Variants in MDGA1 observed in about 807,000 individuals in gnomAD.
MDGA1 encodes MAM domain-containing glycosylphosphatidylinositol anchor protein 1.
MDGA1 carries 54 observed loss-of-function variants against 101.5 expected under a neutral mutation model. That is an observed-to-expected ratio of 0.53 (90% CI 0.43 to 0.67). The LOEUF (loss-of-function observed/expected upper bound fraction) is 0.67, where lower values mean the gene tolerates loss of function less well. MDGA1 is among the 30% of genes least tolerant of loss of function. The probability of loss-of-function intolerance (pLI) is 0.00; values close to 1 mark genes in which losing one functional copy is unlikely to be tolerated. For missense variants in MDGA1, 1,083 were observed against 1,323.8 expected, an observed-to-expected ratio of 0.82 and a Z score of 2.82; for synonymous variants, 533 against 558.3, an observed-to-expected ratio of 0.95 and a Z score of 0.64.
At position 37,637,960 on chromosome 6, in the gene MDGA1, T is replaced by A. The variant is rs1259311037; in HGVS notation, c.2776+245A>T. ...TCAGACACAGGCACAGGAGGCGCTC[T>A]GATACCGTGAACAGGTCAGTATGCT... On this transcript the variant is annotated intron_variant, in intron 16 of 16. Transcript: ENST00000434837. 31 of 575,192 alleles carry A rather than the reference T, an allele frequency of 5.4e-5. 1 individual carries two copies. The East Asian group carries it at 8.4e-4, about 16-fold the overall frequency. 35.6% of individuals were successfully genotyped at this position (575,192 alleles called of 1,614,324 possible).
In MDGA1 at chr6:37,635,940, C is replaced by G. The variant is rs1298017900; in HGVS notation, c.*1428G>C. The G allele has an allele frequency of 2.5e-6, 1 of 394,188 alleles. No homozygotes were observed. Among genetic ancestry groups the G allele is most frequent in the Non-Finnish European group, 4.5e-6 (1 of 223,522 alleles). The allele number at this position is 394,188 out of a possible 1,614,324, so 24.4% of individuals were successfully genotyped here. On this transcript the variant is annotated 3_prime_UTR_variant, in exon 17 of 17. Coordinates refer to ENST00000434837, the MANE Select transcript of MDGA1 (RefSeq NM_153487.4). ...AGAAACGAATGGGTCTCAATCCAGT[C>G]TCACAGGCAGATATGTGAGATTGCA...
intron 5 of MDGA1, 76 bp downstream of exon 5, chr6:37,654,724 T>G (rs967499071): frequency 1.3e-6 from 2 of 1,590,424 alleles, no homozygotes; most frequent in East Asian, 4.5e-5. Context: ...CTGGAGTCCC[T>G]GTGGGGTGGG....
chr6:37,673,033 T>A (rs1373286990), intron 1 of MDGA1, among the ~76,000 whole-genome samples: 3 of 151,536 alleles, frequency 2.0e-5, no homozygotes, highest in Non-Finnish European at 4.4e-5. Context: ...GTGCTTTATA[T>A]CTTTTATCAT....
At chr6:37,692,004 C>A (rs866383016) in intron 1 of MDGA1, among the ~76,000 whole-genome samples, 4 of 152,188 alleles carry the variant, frequency 2.6e-5, no homozygotes, top group African/African-American at 9.7e-5. Flanking sequence ...GCTTTGGCTA[C>A]GGGCAGGTGC....
At chr6:37,668,579 G>A (rs1241498603) in intron 1 of MDGA1, among the ~76,000 whole-genome samples, 1 of 152,170 alleles carries the variant, frequency 6.6e-6, no homozygotes, top group Non-Finnish European at 1.5e-5. Context: ...CCCGTTAAGT[G>A]AAAAAGGTGA....
chr6:37,659,193 C>G (rs1761566079), intron 2 of MDGA1, among the ~76,000 whole-genome samples: 1 of 152,184 alleles, frequency 6.6e-6, no homozygotes, highest in Non-Finnish European at 1.5e-5. Context: ...TTGTGAGAAA[C>G]CCTGAGCCAC....
intron 1 of MDGA1, among the ~76,000 whole-genome samples, chr6:37,666,370 AAAAAG>A (rs1761753691): frequency 2.0e-5 from 3 of 151,756 alleles, no homozygotes; most frequent in Admixed American, 6.6e-5. Flanking sequence ...AAAAAAAAAA[AAAAAG>A]AAAAGAAAAA....
At chr6:37,679,778 C>A (rs1464247666) in intron 1 of MDGA1, among the ~76,000 whole-genome samples, 1 of 152,158 alleles carries the variant, frequency 6.6e-6, no homozygotes, top group East Asian at 1.9e-4. Context: ...TCCCCTTTAC[C>A]ACAGCCCTCT....
rs1273781850 is a variant in MDGA1, at chr6:37,652,639, T to G, written c.983-299A>C. Among the ~76,000 whole-genome samples, 1 of 152,210 alleles carries G rather than the reference T, an allele frequency of 6.6e-6. No individual in the cohort carries two copies. Among genetic ancestry groups the G allele is most frequent in the Non-Finnish European group, 1.5e-5 (1 of 68,038 alleles). Reference sequence around the variant, plus strand: ...AACATGGATTTACTAGTTTAACCCATCCCAGAATCTCTGAAGGAGATGCTT... The same window carrying G: ...AACATGGATTTACTAGTTTAACCCAGCCCAGAATCTCTGAAGGAGATGCTT... On this transcript the variant is annotated intron_variant, in intron 6 of 16. Transcript: ENST00000434837. The surrounding 1 kb of genome is among the most constrained non-coding windows in gnomAD (Gnocchi z 4.3).
chr6:37,671,841 C>G (rs984634701), intron 1 of MDGA1, among the ~76,000 whole-genome samples: 6 of 152,184 alleles, frequency 3.9e-5, no homozygotes, highest in Non-Finnish European at 7.4e-5. Context: ...AGACAGACAG[C>G]AAGACAAATG....
At chr6:37,659,279 A>C (rs1411448213) in intron 2 of MDGA1, among the ~76,000 whole-genome samples, 1 of 152,188 alleles carries the variant, frequency 6.6e-6, no homozygotes, top group Non-Finnish European at 1.5e-5. Context: ...GAAGCCCCTA[A>C]GTTTTGGAGT....
At chr6:37,640,105 A>G (rs1426094521) in intron 14 of MDGA1, among the ~76,000 whole-genome samples, 4 of 152,164 alleles carry the variant, frequency 2.6e-5, no homozygotes, top group Non-Finnish European at 5.9e-5. Context: ...CTCAGAGTTC[A>G]CCGGAAGGAT....
At chr6:37,668,812 G>A (rs1415573327) in intron 1 of MDGA1, among the ~76,000 whole-genome samples, 1 of 152,134 alleles carries the variant, frequency 6.6e-6, no homozygotes, top group East Asian at 1.9e-4. Flanking sequence ...GCTGGGAAGG[G>A]CACAAGAGAA....
intron 1 of MDGA1, among the ~76,000 whole-genome samples, chr6:37,671,124 C>T (rs1311777310): frequency 6.6e-6 from 1 of 152,226 alleles, no homozygotes; most frequent in African/African-American, 2.4e-5. Context: ...GGAAAACAGC[C>T]TCTGCCAACC....
chr6:37,642,564 A>G (rs952268066), intron 14 of MDGA1, among the ~76,000 whole-genome samples: 2 of 152,164 alleles, frequency 1.3e-5, no homozygotes, highest in African/African-American at 4.8e-5. Context: ...CTGGGATGGG[A>G]GGGCGTCTGC....
intron 1 of MDGA1, among the ~76,000 whole-genome samples, chr6:37,675,831 C>G (rs954529331): frequency 8.5e-5 from 13 of 152,234 alleles, no homozygotes; most frequent in African/African-American, 3.1e-4. Context: ...GACCCCATCA[C>G]TGTGGTTCAC....
In MDGA1 at chr6:37,696,549, CA is replaced by C. The variant is rs1395208021; in HGVS notation, c.67+195del. Among the ~76,000 whole-genome samples, 1 of 152,212 alleles carries C rather than the reference CA, an allele frequency of 6.6e-6. No homozygotes were observed. Among genetic ancestry groups the C allele is most frequent in the Non-Finnish European group, 1.5e-5 (1 of 68,026 alleles). On this transcript the variant is annotated intron_variant, in intron 1 of 16. Coordinates refer to ENST00000434837, the MANE Select transcript of MDGA1 (RefSeq NM_153487.4). This position sits in a 1 kb window ranked among gnomAD's most constrained non-coding sequence, Gnocchi z 5.6. ...TCCTCCTGACATCCCGGCTTCCCAC[CA>C]GACCCTACGACCGGCCCCTGTGTTC...
chr6:37,637,122 T>G lies in MDGA1; in HGVS notation c.*246A>C. The stretch of plus-strand genomic sequence containing the variant: ...GGCAGGTCAGATAGAAACTTGTGCT[T>G]TAATATATCTCTGTGTGTGTGAGCA... On this transcript the variant is annotated 3_prime_UTR_variant, in exon 17 of 17. Coordinates refer to ENST00000434837, the MANE Select transcript of MDGA1 (RefSeq NM_153487.4). 1.2e-5 allele frequency: 5 copies of G among 408,404 alleles called. No individual in the cohort carries two copies. Among genetic ancestry groups the G allele is most frequent in the East Asian group, 4.0e-5 (1 of 24,946 alleles). 25.3% of individuals were successfully genotyped at this position (408,404 alleles called of 1,614,324 possible).
At position 37,652,188 on chromosome 6, in the gene MDGA1, GTGCCGGCT is replaced by G; in HGVS notation, c.1127_1134del (p.Lys376ThrfsTer12). The stretch of plus-strand genomic sequence containing the variant: ...GTCACCAGCAGCCGCTTGGACATGC[GTGCCGGCT>G]TGCCATTCTTGAACCACTGGTAGGT... On this transcript the variant is annotated frameshift_variant, in exon 7 of 17. Transcript: ENST00000434837. LOFTEE classifies it high-confidence loss of function. This position sits in a 1 kb window ranked among gnomAD's most constrained non-coding sequence, Gnocchi z 4.3. The G allele has an allele frequency of 6.2e-7, 1 of 1,614,008 alleles. No homozygotes were observed. The highest frequency in any genetic ancestry group is 8.5e-7 in the Non-Finnish European group (1 of 1,179,898).
Sources: gnomAD v4.1 joint callset for allele counts (sites outside exome capture counted in the v4.1 genomes callset) on GRCh38, gnomAD v4.1.1 for gene constraint, Gnocchi (gnomAD v3.1) non-coding constraint, MANE v1.5 for transcripts, NCBI Gene and HGNC (gene_info 2026-07-23, HGNC 2026-07-21) for gene names.